RBFOX1: variants seen among roughly 807,000 people sequenced by gnomAD.
RBFOX1 encodes the protein RNA binding protein fox-1 homolog 1.
RBFOX1 carries 8 observed loss-of-function variants against 57.7 expected under a neutral mutation model. The ratio of observed to expected loss-of-function variants is 0.14; its 90% CI spans 0.08 to 0.25. RBFOX1 has a LOEUF of 0.25. Among genes scored for constraint, RBFOX1 ranks in the 10% least tolerant of loss-of-function variants. RBFOX1 has a pLI of 1.00. For synonymous variants in RBFOX1, 326 were observed against 222.4 expected (o/e 1.47, Z -4.15); for missense variants, 611 against 548.5 (o/e 1.11, Z -1.14).
chr16:7,296,934 A>G (rs888999087), intron 4 of RBFOX1, among the ~76,000 whole-genome samples: 1 of 152,158 alleles, frequency 6.6e-6, no homozygotes, highest in Non-Finnish European at 1.5e-5. Flanking sequence ...TGTGAGCAGT[A>G]TAGGTATGTG....
chr16:6,519,892 C>G (rs760343252), intron 2 of RBFOX1, among the ~76,000 whole-genome samples: 2 of 152,098 alleles, frequency 1.3e-5, no homozygotes, highest in Non-Finnish European at 2.9e-5. Flanking sequence ...CTGATATATA[C>G]CAGAACTGTG....
chr16:6,190,782 C>T (rs2097136524), intron 1 of RBFOX1, among the ~76,000 whole-genome samples: 1 of 152,072 alleles, frequency 6.6e-6, no homozygotes, highest in African/African-American at 2.4e-5. Context: ...AATATCATGG[C>T]TTATGTATTT....
intron 2 of RBFOX1, among the ~76,000 whole-genome samples, chr16:5,560,826 A>G (rs1334007759): frequency 6.6e-6 from 1 of 152,072 alleles, no homozygotes; most frequent in Non-Finnish European, 1.5e-5. Flanking sequence ...TCCTTGTGGC[A>G]TTTCACACTG....
rs186276877 is a variant in RBFOX1 at position 6,026,115 on chromosome 16, C to T, written c.-127+6123C>T. On this transcript the variant is annotated intron_variant, in intron 1 of 15. Transcript: ENST00000550418. ...GCTTAGAGAAACTGTCCCTGTTTGC[C>T]TGTGTCGATTCTCGTTTTTTACAGC... 1.4e-4 allele frequency among the ~76,000 whole-genome samples: 21 copies of T among 152,298 alleles called. No homozygotes were observed. The East Asian group carries it at 3.5e-3, about 25-fold the overall frequency.
At chr16:6,713,367 C>A (rs900845181) in intron 3 of RBFOX1, among the ~76,000 whole-genome samples, 11 of 152,082 alleles carry the variant, frequency 7.2e-5, no homozygotes, top group African/African-American at 2.2e-4. Context: ...ACCTCCACAT[C>A]CCCATCTCTC....
At chr16:6,266,629 C>T (rs2074533185) in intron 1 of RBFOX1, among the ~76,000 whole-genome samples, 1 of 151,664 alleles carries the variant, frequency 6.6e-6, no homozygotes, top group Non-Finnish European at 1.5e-5. Context: ...CAGGAGAGTC[C>T]CTTGAACCCA....
At chr16:5,968,836 C>G in intron 4 of RBFOX1, among the ~76,000 whole-genome samples, 1 of 152,036 alleles carries the variant, frequency 6.6e-6, no homozygotes, top group Admixed American at 6.6e-5. Context: ...GGACTCTTAT[C>G]TCTATTTTAC....
chr16:7,134,702 T>A (rs2071432906), intron 4 of RBFOX1, among the ~76,000 whole-genome samples: 1 of 152,218 alleles, frequency 6.6e-6, no homozygotes, highest in African/African-American at 2.4e-5. Context: ...ATCCTGACTG[T>A]GAAAACTACT....
intron 1 of RBFOX1, among the ~76,000 whole-genome samples, chr16:5,375,816 C>T (rs2065970226): frequency 6.6e-6 from 1 of 152,180 alleles, no homozygotes; most frequent in South Asian, 2.1e-4. Context: ...TGTTGTTAAA[C>T]TAACTAAAGG....
In RBFOX1 at chr16:6,273,350, T is replaced by G. The variant is rs868432218; in HGVS notation, c.-126-43645T>G. Among the ~76,000 whole-genome samples the G allele has an allele frequency of 8.1e-4, 118 of 146,512 alleles. 2 individuals are homozygous for G. Among genetic ancestry groups the G allele is most frequent in the Non-Finnish European group, 2.0e-4 (13 of 66,366 alleles). ...AGTTTGTTGTTGTTGGTTTTTTTTT[T>G]TTTTTTTTTTTTTGGCAAAGTTTCA... On this transcript the variant is annotated intron_variant, in intron 1 of 15. Transcript: ENST00000550418.
intron 5 of RBFOX1, among the ~76,000 whole-genome samples, chr16:7,575,115 G>A (rs1602245393): frequency 6.6e-6 from 1 of 151,958 alleles, no homozygotes. Context: ...AATCCTCCTG[G>A]ATTTAGGATG....
At chr16:7,184,742 G>C (rs1221097379) in intron 4 of RBFOX1, among the ~76,000 whole-genome samples, 1 of 152,166 alleles carries the variant, frequency 6.6e-6, no homozygotes, top group Admixed American at 6.5e-5. Flanking sequence ...TGGAGTTACA[G>C]GTAGAACTTG....
At chr16:6,823,944 C>T (rs1368934372) in intron 3 of RBFOX1, among the ~76,000 whole-genome samples, 1 of 152,094 alleles carries the variant, frequency 6.6e-6, no homozygotes, top group Non-Finnish European at 1.5e-5. Context: ...AAACGGTGTC[C>T]TGGAAGAGGT....
intron 1 of RBFOX1, among the ~76,000 whole-genome samples, chr16:6,295,639 G>A (rs570218855): frequency 5.3e-5 from 8 of 152,286 alleles, no homozygotes; most frequent in African/African-American, 1.7e-4. Flanking sequence ...GTTTATGAGC[G>A]GTCTCATTTC....
intron 3 of RBFOX1, among the ~76,000 whole-genome samples, chr16:6,997,461 A>G (rs1024381942): frequency 7.2e-5 from 11 of 152,182 alleles, no homozygotes; most frequent in African/African-American, 2.4e-4. Context: ...TGCACCAGCA[A>G]TAAACTTTAA....
intron 3 of RBFOX1, among the ~76,000 whole-genome samples, chr16:6,808,017 C>A (rs922319841): frequency 6.7e-6 from 1 of 148,876 alleles, no homozygotes; most frequent in African/African-American, 2.5e-5. Flanking sequence ...ATATAATATG[C>A]AAATTATACC....
intron 5 of RBFOX1, among the ~76,000 whole-genome samples, chr16:7,570,813 A>G (rs1482312438): frequency 6.6e-6 from 1 of 152,238 alleles, no homozygotes; most frequent in Non-Finnish European, 1.5e-5. Flanking sequence ...ACTATTCACA[A>G]TAGCAAAGAC....
At chr16:7,412,708 G>C (rs542261835) in intron 4 of RBFOX1, among the ~76,000 whole-genome samples, 2 of 152,276 alleles carry the variant, frequency 1.3e-5, no homozygotes, top group Admixed American at 1.3e-4. Flanking sequence ...AAACAAATTT[G>C]TATGGCTTTT....
intron 4 of RBFOX1, among the ~76,000 whole-genome samples, chr16:7,140,193 T>TCTCTCC (rs1491496466): frequency 2.2e-5 from 3 of 133,778 alleles, no homozygotes; most frequent in Non-Finnish European, 3.2e-5. Context: ...TCTCTCTCTC[T>TCTCTCC]CCCTCCTTCT....
Sources: gnomAD v4.1 joint callset for allele counts (sites outside exome capture counted in the v4.1 genomes callset) on GRCh38, gnomAD v4.1.1 for gene constraint, MANE v1.5 for transcripts, NCBI Gene and HGNC (gene_info 2026-07-23, HGNC 2026-07-21) for gene names.